ABCG1: variants seen among roughly 807,000 people sequenced by gnomAD.
The protein encoded by ABCG1 is ATP binding cassette subfamily G member 1, also known as ATP-binding cassette sub-family G member 1.
A neutral mutation model predicts 69.2 loss-of-function variants in ABCG1; 29 were observed. That is an observed-to-expected ratio of 0.42 (90% CI 0.31 to 0.57). The LOEUF (loss-of-function observed/expected upper bound fraction) is 0.57. Ranked by LOEUF, ABCG1 falls within the 20% of genes least tolerant of loss-of-function variation. ABCG1 has a pLI of 0.15. For missense variants in ABCG1, 718 were observed against 898.1 expected (o/e 0.80, Z 2.56); for synonymous variants, 370 against 374.8 (o/e 0.99, Z 0.15).
At chr21:42,275,104 G>T (rs997785798) in intron 4 of ABCG1, among the ~76,000 whole-genome samples, 1 of 152,178 alleles carries the variant, frequency 6.6e-6, no homozygotes, top group African/African-American at 2.4e-5. Flanking sequence ...GTTGGGCAAA[G>T]CTTCTTCCCC....
chr21:42,267,141 G>C (rs1601415617), intron 2 of ABCG1, among the ~76,000 whole-genome samples: 1 of 152,242 alleles, frequency 6.6e-6, no homozygotes, highest in African/African-American at 2.4e-5. Flanking sequence ...ACTGATTAAA[G>C]ATAAATGGGG....
chr21:42,215,526 G>C (rs2067630449), upstream of ABCG1, among the ~76,000 whole-genome samples: 1 of 152,238 alleles, frequency 6.6e-6, no homozygotes, highest in Non-Finnish European at 1.5e-5. Context: ...AACATGGGCT[G>C]TGCTAATAGA....
chr21:42,291,530 G>A lies in ABCG1; in HGVS notation c.1527G>A (p.Val509=), dbSNP rs140078803. 8.7e-6 allele frequency: 14 copies of A among 1,613,640 alleles called. No homozygotes were observed. The African/African-American group carries it at 9.3e-5, about 11-fold the overall frequency. Residue 509 remains valine (V), a synonymous_variant, in exon 13 of 15, where the codon GTG becomes GTA. Transcript: ENST00000398449. The surrounding 1 kb of genome is among the most constrained non-coding windows in gnomAD (Gnocchi z 6.4). ...IMFPVAYCSI[V]YWMTSQPSDA... ...TCCCAGTGGCCTACTGCAGCATCGT[G>A]TACTGGATGACGTCGCAGCCGTCCG...
intron 2 of ABCG1, among the ~76,000 whole-genome samples, chr21:42,270,040 C>A (rs902002620): frequency 6.6e-6 from 1 of 151,772 alleles, no homozygotes; most frequent in Non-Finnish European, 1.5e-5. Flanking sequence ...CCGAGGCGGG[C>A]GGATCACAAG....
Position 42,242,046 on chromosome 21 carries a change from T to C in ABCG1, c.286+16132T>C, listed in dbSNP as rs900302952. ...ACTTGTTTTACAAATATGCCTGCCA[T>C]TGAAAGCACAAAACAGTGAAATCCC... On this transcript the variant is annotated intron_variant, in intron 2 of 14. Transcript: ENST00000398449. Among the ~76,000 whole-genome samples, 141 of 151,868 alleles carry C rather than the reference T, an allele frequency of 9.3e-4. 1 individual carries two copies. Among genetic ancestry groups the C allele is most frequent in the African/African-American group, 3.3e-3 (135 of 41,386 alleles).
In ABCG1 at chr21:42,259,465, C is replaced by T. The variant is rs902790601; in HGVS notation, c.287-11605C>T. 7.1e-6 allele frequency: 11 copies of T among 1,548,748 alleles called. No individual in the cohort carries two copies. The East Asian group carries it at 1.5e-4, about 21-fold the overall frequency. ...GTGCCGATGTCTGGCCTACAGGGCTCAAGCATTGTCATCATGCCCCCATCC... is the reference window on the plus strand; with the variant it reads ...GTGCCGATGTCTGGCCTACAGGGCTTAAGCATTGTCATCATGCCCCCATCC... On this transcript the variant is annotated intron_variant, in intron 2 of 14. Transcript: ENST00000398449.
upstream of ABCG1, among the ~76,000 whole-genome samples, chr21:42,213,579 TGA>T (rs1479929150): frequency 6.6e-6 from 1 of 152,200 alleles, no homozygotes; most frequent in Non-Finnish European, 1.5e-5. Flanking sequence ...ACCTCCAGCC[TGA>T]GAGAGCCACA....
At chr21:42,294,733 G>A (rs565203153) in intron 14 of ABCG1, 73 bp downstream of exon 14, 8 of 1,420,450 alleles carry the variant, frequency 5.6e-6, no homozygotes, top group Middle Eastern at 1.8e-4. Flanking sequence ...ACAGCGTGAG[G>A]GGCTCACAAA....
upstream of ABCG1, among the ~76,000 whole-genome samples, chr21:42,211,841 A>G (rs1369870701): frequency 6.6e-6 from 1 of 152,138 alleles, no homozygotes; most frequent in Non-Finnish European, 1.5e-5. Flanking sequence ...GTGGGCCGAG[A>G]TTGTGCCACT....
intron 1 of ABCG1, among the ~76,000 whole-genome samples, chr21:42,223,408 T>C (rs1016903810): frequency 3.9e-5 from 6 of 152,320 alleles, no homozygotes; most frequent in African/African-American, 1.4e-4. Context: ...GCCTGGCTCT[T>C]GGCTTGACCT....
At chr21:42,283,522 A>G (rs1219288580) in intron 6 of ABCG1, among the ~76,000 whole-genome samples, 4 of 152,204 alleles carry the variant, frequency 2.6e-5, no homozygotes, top group Non-Finnish European at 5.9e-5. Context: ...CCTGGGCTGC[A>G]GCAAGGCCAC....
intron 2 of ABCG1, among the ~76,000 whole-genome samples, chr21:42,236,387 T>C (rs1355057732): frequency 1.3e-5 from 2 of 152,204 alleles, no homozygotes; most frequent in African/African-American, 2.4e-5. Context: ...TGTACTGTGT[T>C]TGAGTATCCG....
At chr21:42,219,051 C>T (rs72542414), upstream of ABCG1, 465 of 268,044 alleles carry the variant, frequency 1.7e-3, 3 homozygotes, top group East Asian at 3.2e-3. The surrounding 1 kb of genome is among the most constrained non-coding windows in gnomAD (Gnocchi z 5.3). Context: ...GCGCACCTGC[C>T]GGCCCGCCCG....
At chr21:42,236,498 G>T (rs1349262391) in intron 2 of ABCG1, among the ~76,000 whole-genome samples, 3 of 152,186 alleles carry the variant, frequency 2.0e-5, no homozygotes, top group African/African-American at 7.2e-5. Flanking sequence ...GTTCCTTTGG[G>T]CATAATTTAG....
intron 2 of ABCG1, among the ~76,000 whole-genome samples, chr21:42,229,193 A>T (rs1271314035): frequency 6.6e-6 from 1 of 152,084 alleles, no homozygotes; most frequent in East Asian, 1.9e-4. Flanking sequence ...ACAGTGGCGG[A>T]GTTTGTATTT....
In ABCG1 at chr21:42,219,368, CAA is replaced by C. The variant is rs2123492615; in HGVS notation, c.42+66_42+67del. On this transcript the variant is annotated intron_variant, in intron 1 of 14. Coordinates refer to ENST00000398449, the MANE Select transcript of ABCG1 (RefSeq NM_016818.3). This position sits in a 1 kb window ranked among gnomAD's most constrained non-coding sequence, Gnocchi z 5.3. ...ATTTTCAAGGAGAGCAGGAAACACACAAAGACTCGCAAGCTCGACCTGACACC... is the reference window on the plus strand; with the variant it reads ...ATTTTCAAGGAGAGCAGGAAACACACAGACTCGCAAGCTCGACCTGACACC... 1.9e-6 allele frequency: 3 copies of C among 1,557,984 alleles called. No individual in the cohort carries two copies. The South Asian group carries it at 3.5e-5, about 18-fold the overall frequency.
rs79957854 is a variant in ABCG1 at position 42,206,351 on chromosome 21, AAAATAAAT to A, written c.48+4656_48+4663del. On this transcript the variant is annotated intron_variant, in intron 2 of 15. Coordinates refer to the ABCG1 transcript ENST00000398457. The stretch of plus-strand genomic sequence containing the variant: ...GGTGACAGAGGGAGACTCTGTCTCA[AAAATAAAT>A]AAATAAATAAATAAATAAATAAATA... Among the ~76,000 whole-genome samples the A allele has an allele frequency of 6.2e-4, 93 of 149,142 alleles. No homozygotes were observed. The South Asian group carries it at 6.4e-3, about 10-fold the overall frequency.
chr21:42,256,238 G>A (rs1168511394), intron 2 of ABCG1: 6 of 1,460,258 alleles, frequency 4.1e-6, no homozygotes, highest in Non-Finnish European at 5.5e-6. Flanking sequence ...AAAGATGCTA[G>A]CAGTGCAACA....
chr21:42,294,429 T>C, intron 13 of ABCG1, 113 bp from the exon 14 acceptor site: 2 of 800,476 alleles, frequency 2.5e-6, no homozygotes, highest in East Asian at 2.4e-5. Context: ...ATCATTACCC[T>C]GCCCAGAAGG....
Sources: allele counts gnomAD v4.1 joint callset (sites outside exome capture counted in the v4.1 genomes callset), GRCh38; gene constraint gnomAD v4.1.1; non-coding constraint Gnocchi (gnomAD v3.1); transcripts MANE v1.5; gene names NCBI Gene and HGNC (gene_info 2026-07-23, HGNC 2026-07-21).